Variants in PPHLN1 observed in about 807,000 individuals in gnomAD.
PPHLN1 encodes the protein periphilin 1.
In PPHLN1, 29 loss-of-function variants were observed where a neutral mutation model predicts 51.3. The ratio of observed to expected loss-of-function variants is 0.57; its 90% confidence interval spans 0.42 to 0.77. The LOEUF (loss-of-function observed/expected upper bound fraction) is 0.77. Among genes scored for constraint, PPHLN1 ranks in the 30% least tolerant of loss-of-function variants. The probability of loss-of-function intolerance (pLI) is 0.00; values close to 1 mark genes in which losing one functional copy is unlikely to be tolerated. For synonymous variants in PPHLN1, 147 were observed against 147.8 expected (o/e 0.99, Z 0.04); for missense variants, 436 against 438.4 (o/e 0.99, Z 0.05).
At chr12:42,365,406 C>T (rs1262847560) in intron 4 of PPHLN1, among the ~76,000 whole-genome samples, 1 of 152,106 alleles carries the variant, frequency 6.6e-6, no homozygotes, top group Non-Finnish European at 1.5e-5. Context: ...TTTCCATCTC[C>T]CCATTCTTCC....
intron 2 of PPHLN1, among the ~76,000 whole-genome samples, chr12:42,338,740 G>A (rs1015190473): frequency 2.0e-5 from 3 of 152,282 alleles, no homozygotes; most frequent in South Asian, 2.1e-4. Flanking sequence ...CTTGTTGTAC[G>A]TTAAAATTTC....
intron 4 of PPHLN1, chr12:42,359,370 G>T (rs975575325): frequency 6.6e-6 from 1 of 152,110 alleles, no homozygotes; most frequent in Admixed American, 6.5e-5. Flanking sequence ...CTGTCTTCAT[G>T]TAGCCTACAT....
At chr12:42,383,136 G>A (rs562859772) in intron 5 of PPHLN1, among the ~76,000 whole-genome samples, 1 of 152,316 alleles carries the variant, frequency 6.6e-6, no homozygotes, top group African/African-American at 2.4e-5. Context: ...ATTATATGTG[G>A]TAATACCTAC....
At chr12:42,426,207 CACACACACACACACACACA>C (rs2081457899) in intron 9 of PPHLN1, among the ~76,000 whole-genome samples, 1 of 150,422 alleles carries the variant, frequency 6.6e-6, no homozygotes, top group African/African-American at 2.4e-5. Flanking sequence ...CACACACACA[CACACACACACACACACACA>C]CACCCTCATG....
intron 3 of PPHLN1, among the ~76,000 whole-genome samples, chr12:42,353,468 C>T (rs2073658385): frequency 1.3e-5 from 2 of 152,172 alleles, no homozygotes; most frequent in Non-Finnish European, 2.9e-5. Flanking sequence ...CTTACTACTG[C>T]ATCATAGTGA....
At chr12:42,399,710 G>C (rs1468811482) in intron 9 of PPHLN1, 1 of 152,474 alleles carries the variant, frequency 6.6e-6, no homozygotes, top group African/African-American at 2.4e-5. Flanking sequence ...GTTTCCTTTT[G>C]TTGGATAGGG....
intron 9 of PPHLN1, 148 bp from the exon 10 acceptor site, chr12:42,441,167 A>G (rs2082918091): frequency 2.7e-6 from 3 of 1,117,892 alleles, no homozygotes; most frequent in Non-Finnish European, 2.4e-6. Flanking sequence ...CTCTGGTAAT[A>G]GTGACAATGC....
chr12:42,392,649 TC>T (rs2077833364), intron 7 of PPHLN1, among the ~76,000 whole-genome samples: 1 of 152,232 alleles, frequency 6.6e-6, no homozygotes, highest in East Asian at 1.9e-4. Flanking sequence ...ACAATTCATA[TC>T]TTATTTACAA....
chr12:42,366,458 A>G (rs2075282469), intron 4 of PPHLN1, among the ~76,000 whole-genome samples: 1 of 151,664 alleles, frequency 6.6e-6, no homozygotes, highest in Admixed American at 6.6e-5. Context: ...GAACTCCTGA[A>G]CTCAGGTGAT....
intron 4 of PPHLN1, among the ~76,000 whole-genome samples, chr12:42,373,582 A>G (rs983431182): frequency 6.6e-6 from 1 of 152,162 alleles, no homozygotes; most frequent in African/African-American, 2.4e-5. Context: ...GAAATTTAGT[A>G]TTCTTTAATG....
Position 42,335,684 on chromosome 12 carries a change from C to T in PPHLN1, c.-20-199C>T, listed in dbSNP as rs537967443. Among the ~76,000 whole-genome samples the T allele has an allele frequency of 1.6e-3, 193 of 123,626 alleles. 1 individual carries two copies. Among genetic ancestry groups the T allele is most frequent in the Non-Finnish European group, 2.6e-3 (140 of 54,736 alleles). 81.1% of individuals were successfully genotyped at this position (123,626 alleles called of 152,430 possible). On this transcript the variant is annotated intron_variant, in intron 1 of 9. Coordinates refer to ENST00000358314, the MANE Select transcript of PPHLN1 (RefSeq NM_201439.2). The stretch of plus-strand genomic sequence containing the variant: ...GCCTAAGAAGGAAGATAGGGCTTTC[C>T]GTGTTTTTTTTTTTTTTTTTTTAAA...
downstream of PPHLN1, chr12:42,446,397 C>A: frequency 7.0e-7 from 1 of 1,435,634 alleles, no homozygotes; most frequent in South Asian, 1.4e-5. Context: ...CCCTTCCCAG[C>A]GTCTAGCAGT....
At chr12:42,389,802 G>A (rs1032619806) in intron 7 of PPHLN1, among the ~76,000 whole-genome samples, 60 of 151,522 alleles carry the variant, frequency 4.0e-4, no homozygotes, top group Admixed American at 3.2e-3. Context: ...TACCTAACAT[G>A]TATGGTGTAT....
At chr12:42,330,441 A>C (rs1298123980) in intron 1 of PPHLN1, among the ~76,000 whole-genome samples, 1 of 152,336 alleles carries the variant, frequency 6.6e-6, no homozygotes, top group East Asian at 1.9e-4. Context: ...AACCTTGGAC[A>C]ATACCCGGCT....
intron 9 of PPHLN1, among the ~76,000 whole-genome samples, chr12:42,425,753 C>A (rs1235458395): frequency 6.6e-6 from 1 of 152,176 alleles, no homozygotes; most frequent in African/African-American, 2.4e-5. Flanking sequence ...TAACAAAAAA[C>A]ACAGGAAGCA....
rs569178446 is a variant in PPHLN1 at position 42,398,589 on chromosome 12, A to G, written c.769-265A>G. ...CATGCACTAAAAATTGGAATGAAAC[A>G]GAAGATTAGCGTGGCCCCTGCACAA... On this transcript the variant is annotated intron_variant, in intron 8 of 9. Transcript: ENST00000358314. 7.9e-5 allele frequency: 22 copies of G among 278,486 alleles called. No individual in the cohort carries two copies. The Admixed American group carries it at 8.8e-4, about 11-fold the overall frequency. 17.3% of individuals were successfully genotyped at this position (278,486 alleles called of 1,614,324 possible).
intron 3 of PPHLN1, among the ~76,000 whole-genome samples, chr12:42,353,098 A>G (rs1237690050): frequency 6.6e-6 from 1 of 152,074 alleles, no homozygotes; most frequent in African/African-American, 2.4e-5. Flanking sequence ...CAAAAAAAAA[A>G]AAAGTTAGCT....
intron 9 of PPHLN1, among the ~76,000 whole-genome samples, chr12:42,413,268 C>A (rs2080036610): frequency 1.3e-5 from 2 of 152,042 alleles, no homozygotes; most frequent in Non-Finnish European, 2.9e-5. Flanking sequence ...GTCTTTGTTC[C>A]ATCTTGAGTT....
chr12:42,367,314 A>G (rs1262788001), intron 4 of PPHLN1, among the ~76,000 whole-genome samples: 1 of 152,186 alleles, frequency 6.6e-6, no homozygotes, highest in East Asian at 1.9e-4. Flanking sequence ...ACATGATGTT[A>G]GTTTTACAAA....
Sources: gnomAD v4.1 joint callset for allele counts (sites outside exome capture counted in the v4.1 genomes callset) on GRCh38, gnomAD v4.1.1 for gene constraint, MANE v1.5 for transcripts, NCBI Gene and HGNC (gene_info 2026-07-23, HGNC 2026-07-21) for gene names.